Variants in TCF12 observed in about 807,000 individuals in gnomAD.
TCF12 encodes the protein DNA-binding protein HTF4.
A neutral mutation model predicts 86.0 loss-of-function variants in TCF12; 45 were observed. The ratio of observed to expected loss-of-function variants is 0.52; its 90% CI spans 0.41 to 0.67. The LOEUF is 0.67. Ranked by LOEUF, TCF12 falls within the 30% of genes least tolerant of loss-of-function variation. The pLI is 0.00. For missense variants in TCF12, 881 were observed against 859.9 expected (o/e 1.02, Z -0.31); for synonymous variants, 330 against 299.6 (o/e 1.10, Z -1.05).
At chr15:56,935,148 T>G (rs1477108080) in intron 3 of TCF12, among the ~76,000 whole-genome samples, 1 of 152,214 alleles carries the variant, frequency 6.6e-6, no homozygotes, top group African/African-American at 2.4e-5. Context: ...AATTGCTTGC[T>G]GTGTAATCTG....
chr15:56,973,815 A>G (rs1397295657), intron 3 of TCF12, among the ~76,000 whole-genome samples: 1 of 152,128 alleles, frequency 6.6e-6, no homozygotes, highest in East Asian at 1.9e-4. Flanking sequence ...ATCACCAGTA[A>G]AGGGACAAGT....
chr15:57,274,108 C>T (rs1234764773), intron 19 of TCF12, among the ~76,000 whole-genome samples: 3 of 152,130 alleles, frequency 2.0e-5, no homozygotes, highest in Non-Finnish European at 4.4e-5. Context: ...AGATGTGGCC[C>T]TAGGTTCCAG....
At chr15:56,996,862 A>G (rs1427859624) in intron 3 of TCF12, among the ~76,000 whole-genome samples, 2 of 152,224 alleles carry the variant, frequency 1.3e-5, no homozygotes, top group African/African-American at 4.8e-5. Context: ...GCCAACAAAC[A>G]TATTAAAAAA....
At chr15:57,213,657 C>G (rs1250773722) in intron 8 of TCF12, among the ~76,000 whole-genome samples, 2 of 151,964 alleles carry the variant, frequency 1.3e-5, no homozygotes, top group African/African-American at 4.8e-5. Flanking sequence ...TTGAAAGGAT[C>G]TGATGTCTTC....
intron 3 of TCF12, among the ~76,000 whole-genome samples, chr15:56,956,488 C>G (rs1159867838): frequency 6.6e-6 from 1 of 151,998 alleles, no homozygotes; most frequent in Admixed American, 6.5e-5. Flanking sequence ...CATTGCTCCT[C>G]TTATCTTTCT....
At chr15:57,197,401 G>A (rs981018332) in intron 7 of TCF12, among the ~76,000 whole-genome samples, 2 of 151,720 alleles carry the variant, frequency 1.3e-5, no homozygotes, top group Admixed American at 6.6e-5. Flanking sequence ...CAGGTGATCC[G>A]CCCACCTTGG....
intron 3 of TCF12, among the ~76,000 whole-genome samples, chr15:56,961,387 C>G (rs556272581): frequency 6.2e-4 from 94 of 152,264 alleles, no homozygotes; most frequent in African/African-American, 2.2e-3. Context: ...TGTCTGCTTT[C>G]CATTTTTAAG....
intron 19 of TCF12, 98 bp downstream of exon 19, chr15:57,273,360 T>C: frequency 8.1e-7 from 1 of 1,241,038 alleles, no homozygotes; most frequent in Non-Finnish European, 1.1e-6. Flanking sequence ...TGTTTGTTAT[T>C]TCTCCCAGTA....
chr15:57,171,069 A>T (rs2055455365), intron 6 of TCF12, among the ~76,000 whole-genome samples: 1 of 151,530 alleles, frequency 6.6e-6, no homozygotes, highest in Non-Finnish European at 1.5e-5. Context: ...TTATCCTTGG[A>T]GGAAACTATA....
intron 3 of TCF12, among the ~76,000 whole-genome samples, chr15:57,033,913 A>C (rs1163926778): frequency 6.6e-6 from 1 of 152,230 alleles, no homozygotes; most frequent in Non-Finnish European, 1.5e-5. Context: ...GTAAGGGTCC[A>C]TGTAAATGCT....
At chr15:57,023,847 A>G (rs2065647574) in intron 3 of TCF12, among the ~76,000 whole-genome samples, 1 of 152,332 alleles carries the variant, frequency 6.6e-6, no homozygotes, top group South Asian at 2.1e-4. Context: ...TGAGGGTTGT[A>G]GGGGATAGTT....
At chr15:57,179,252 T>C (rs1211509718) in intron 6 of TCF12, among the ~76,000 whole-genome samples, 1 of 152,112 alleles carries the variant, frequency 6.6e-6, no homozygotes, top group Non-Finnish European at 1.5e-5. Flanking sequence ...TTTGGGAGGC[T>C]GAGGCAGGCG....
rs901571278 is a variant in TCF12, at chr15:56,974,985, C to G, written c.148+53887C>G. ...TTAAAAAATCATTAGCCATGTGGCT[C>G]TTGAGTTTCGAATAGTGGACCTCCT... On this transcript the variant is annotated intron_variant, in intron 3 of 20. Transcript: ENST00000333725. 1.3e-5 allele frequency among the ~76,000 whole-genome samples: 2 copies of G among 152,090 alleles called. 1 individual carries two copies. Among genetic ancestry groups the G allele is most frequent in the South Asian group, 4.1e-4 (2 of 4,830 alleles).
chr15:57,007,786 CTT>C (rs1300537173), intron 3 of TCF12, among the ~76,000 whole-genome samples: 1,133 of 23,938 alleles, frequency 0.047, 24 homozygotes, highest in African/African-American at 0.097. Flanking sequence ...TTCTTTCTTT[CTT>C]TCTCTCTTTC....
At chr15:57,177,403 C>G (rs1277284499) in intron 6 of TCF12, among the ~76,000 whole-genome samples, 1 of 151,370 alleles carries the variant, frequency 6.6e-6, no homozygotes, top group East Asian at 2.0e-4. Context: ...CTGAGTAGCT[C>G]GGATTACAGG....
intron 3 of TCF12, among the ~76,000 whole-genome samples, chr15:56,935,663 T>C (rs1256247586): frequency 6.6e-6 from 1 of 152,100 alleles, no homozygotes; most frequent in Non-Finnish European, 1.5e-5. Context: ...AAGTCCAAGG[T>C]ATCATTCTTA....
rs537583237 is a variant in TCF12, at chr15:57,092,066, T to A, written c.325+175T>A. 8.9e-5 allele frequency: 44 copies of A among 494,528 alleles called. No individual in the cohort carries two copies. The Admixed American group carries it at 1.3e-3, about 14-fold the overall frequency. 30.6% of individuals were successfully genotyped at this position (494,528 alleles called of 1,614,324 possible). The stretch of plus-strand genomic sequence containing the variant: ...CTTGAGGATCAAATGTCCAGAAAAT[T>A]TGGGGTCTACTCTTAAAGCATTATT... On this transcript the variant is annotated intron_variant, in intron 5 of 20. Coordinates refer to ENST00000333725, the MANE Select transcript of TCF12 (RefSeq NM_207037.2).
chr15:57,048,827 A>G (rs940603419), intron 3 of TCF12, among the ~76,000 whole-genome samples: 1 of 152,208 alleles, frequency 6.6e-6, no homozygotes, highest in South Asian at 2.1e-4. Context: ...TCTTAAATGT[A>G]TAACTCAGTA....
chr15:57,284,352 CAT>C (rs201956036), intron 20 of TCF12, among the ~76,000 whole-genome samples: 1,747 of 152,108 alleles, frequency 0.011, 30 homozygotes, highest in African/African-American at 0.039. Context: ...GGATTACAGA[CAT>C]ACACCACCAC....
Sources: gnomAD v4.1 joint callset for allele counts (sites outside exome capture counted in the v4.1 genomes callset) on GRCh38, gnomAD v4.1.1 for gene constraint, MANE v1.5 for transcripts, NCBI Gene and HGNC (gene_info 2026-07-23, HGNC 2026-07-21) for gene names.